Variants in LAMC3 observed in about 807,000 individuals in gnomAD.
LAMC3 encodes laminin subunit gamma-3.
LAMC3 carries 128 observed loss-of-function variants against 173.8 expected under a neutral mutation model. The ratio of observed to expected loss-of-function variants is 0.74; its 90% CI spans 0.64 to 0.85. The LOEUF is 0.85. Ranked by LOEUF, LAMC3 falls within the 40% of genes least tolerant of loss-of-function variation. LAMC3 has a pLI of 0.00. For missense variants in LAMC3, 2,022 were observed against 2,156.0 expected (o/e 0.94, Z 1.23); for synonymous variants, 897 against 909.1 (o/e 0.99, Z 0.24).
rs538901673 is a variant in LAMC3, at chr9:131,074,741, A to G, written c.3495-1090A>G. Reference sequence around the variant, plus strand: ...AGACGCAGCTTAAGATCCTAAAAACACAGGATCTGTGACAATTTTCTCCTT... The same window carrying G: ...AGACGCAGCTTAAGATCCTAAAAACGCAGGATCTGTGACAATTTTCTCCTT... On this transcript the variant is annotated intron_variant, in intron 20 of 27. Coordinates refer to ENST00000361069, the MANE Select transcript of LAMC3 (RefSeq NM_006059.4). Among the ~76,000 whole-genome samples the G allele has an allele frequency of 6.4e-4, 97 of 151,906 alleles. 2 individuals are homozygous for G. In the Middle Eastern group the frequency reaches 0.017, roughly 27 times the overall value.
At chr9:131,046,178 TCC>T (rs1834152295) in intron 8 of LAMC3, among the ~76,000 whole-genome samples, 1 of 130,216 alleles carries the variant, frequency 7.7e-6, no homozygotes, top group African/African-American at 2.9e-5. Flanking sequence ...TGAGTTTTGC[TCC>T]TTTTTTTTTT....
At chr9:131,056,651 T>A (rs972021748) in intron 11 of LAMC3, among the ~76,000 whole-genome samples, 14 of 152,084 alleles carry the variant, frequency 9.2e-5, no homozygotes, top group African/African-American at 3.4e-4. Flanking sequence ...AAAAATTAGC[T>A]GGGCTTGGTG....
rs912424940 is a variant in LAMC3, at chr9:131,036,244, C to T, written c.888C>T (p.Thr296=). ...TGGCCTGCCGGTGCCAGCACAACAC[C>T]ACCGGCACAGACTGTGAGCGCTGCC... is the stretch of plus-strand genomic sequence containing the variant. The part of the protein sequence containing the change: ...GQLACRCQHN[T]TGTDCERCLP... Residue 296 remains threonine (T), a synonymous_variant, in exon 4 of 28, where the codon ACC becomes ACT. Coordinates refer to ENST00000361069, the MANE Select transcript of LAMC3 (RefSeq NM_006059.4). The T allele has an allele frequency of 1.9e-6, 3 of 1,613,218 alleles. No homozygotes were observed. Among genetic ancestry groups the T allele is most frequent in the Non-Finnish European group, 2.5e-6 (3 of 1,179,884 alleles).
intron 8 of LAMC3, among the ~76,000 whole-genome samples, chr9:131,046,124 C>T (rs944925577): frequency 6.6e-6 from 1 of 151,120 alleles, no homozygotes; most frequent in Non-Finnish European, 1.5e-5. Flanking sequence ...AGGCCACTTG[C>T]CTGAGGCCAC....
rs577211477 is a variant in LAMC3, at chr9:131,045,677, G to A, written c.1519+17G>A. On this transcript the variant is annotated intron_variant, in intron 8 of 27. Transcript: ENST00000361069. ...TCCACCAGGGTAAGAGATGCTCCCT[G>A]CAAACGCCTCCCAAGGGTCTGCTCC... 1.2e-5 allele frequency: 19 copies of A among 1,613,820 alleles called. No homozygotes were observed. The East Asian group carries it at 4.2e-4, about 36-fold the overall frequency.
chr9:131,046,822 G>T (rs888974630), intron 8 of LAMC3, among the ~76,000 whole-genome samples: 1 of 152,122 alleles, frequency 6.6e-6, no homozygotes, highest in African/African-American at 2.4e-5. Context: ...CCTTCCGCCT[G>T]TCCCCAGGAA....
intron 2 of LAMC3, among the ~76,000 whole-genome samples, chr9:131,030,728 G>A (rs543473980): frequency 5.3e-5 from 8 of 152,230 alleles, no homozygotes; most frequent in Non-Finnish European, 1.2e-4. Flanking sequence ...GAGTTCTCCA[G>A]GTGGCACTTT....
At chr9:131,020,721 C>G (rs1475343752) in intron 1 of LAMC3, among the ~76,000 whole-genome samples, 1 of 152,130 alleles carries the variant, frequency 6.6e-6, no homozygotes, top group East Asian at 1.9e-4. Flanking sequence ...ACAAGGAATT[C>G]CAGAGAATGA....
At chr9:131,059,008 G>T (rs1254387832) in intron 12 of LAMC3, among the ~76,000 whole-genome samples, 1 of 151,144 alleles carries the variant, frequency 6.6e-6, no homozygotes, top group Non-Finnish European at 1.5e-5. Context: ...GACCAGCGTG[G>T]CCAACATGGT....
chr9:131,038,831 G>A (rs778000750), intron 4 of LAMC3, 33 bp from the exon 5 acceptor site: 20 of 1,607,130 alleles, frequency 1.2e-5, no homozygotes, highest in Non-Finnish European at 1.7e-5. Context: ...CATCACAGGG[G>A]ACTCACACAC....
Position 131,036,217 on chromosome 9 carries a change from G to T in LAMC3, c.861G>T (p.Gln287His). Residue 287 changes from glutamine (Q) to histidine (H), a missense_variant, in exon 4 of 28, where the codon CAG (glutamine) becomes CAT (histidine). Transcript: ENST00000361069. ...ASECGPDVAG[Q>H]LACRCQHNTT... ...AGTGCGGCCCCGACGTGGCAGGCCA[G>T]TTGGCCTGCCGGTGCCAGCACAACA... 6.2e-7 allele frequency: 1 copy of T among 1,612,698 alleles called. No individual in the cohort carries two copies. Among genetic ancestry groups the T allele is most frequent in the South Asian group, 1.1e-5 (1 of 91,036 alleles).
In LAMC3 at chr9:131,009,599, C is replaced by T; in HGVS notation, c.373+12C>T. ...CACCCTCCGCCTAGGTAAGCGCGGGCTGGGGGCACCGCCACCGCACCCCGT... is the reference window on the plus strand; with the variant it reads ...CACCCTCCGCCTAGGTAAGCGCGGGTTGGGGGCACCGCCACCGCACCCCGT... On this transcript the variant is annotated intron_variant, in intron 1 of 27. Coordinates refer to ENST00000361069, the MANE Select transcript of LAMC3 (RefSeq NM_006059.4). The surrounding 1 kb of genome is among the most constrained non-coding windows in gnomAD (Gnocchi z 4.3). 1 of 1,563,732 alleles carries T rather than the reference C, an allele frequency of 6.4e-7. No homozygotes were observed. Among genetic ancestry groups the T allele is most frequent in the Non-Finnish European group, 8.7e-7 (1 of 1,155,956 alleles).
Position 131,073,451 on chromosome 9 carries a change from G to C in LAMC3, c.3494+130G>C. 3 of 741,802 alleles carry C rather than the reference G, an allele frequency of 4.0e-6. No homozygotes were observed. The Admixed American group carries it at 6.0e-5, about 15-fold the overall frequency. The allele number at this position is 741,802 out of a possible 1,614,324, so 46.0% of individuals were successfully genotyped here. On this transcript the variant is annotated intron_variant, in intron 20 of 27. Transcript: ENST00000361069. ...TTACAAGAGCTGTCTGATGGAGGCA[G>C]TGTCACCAGCATGGGGAGGGGCAGG...
chr9:131,033,833 G>A lies in LAMC3; in HGVS notation c.809+1658G>A, dbSNP rs115390578. ...GGAGTGGGGAGCGGGGATGACACTG[G>A]ACTCTGGGCCTCCACAGTTCAGAGG... is the stretch of plus-strand genomic sequence containing the variant. On this transcript the variant is annotated intron_variant, in intron 3 of 27. Coordinates refer to ENST00000361069, the MANE Select transcript of LAMC3 (RefSeq NM_006059.4). Among the ~76,000 whole-genome samples, 444 of 152,224 alleles carry A rather than the reference G, an allele frequency of 2.9e-3. 3 individuals are homozygous for A. The highest frequency in any genetic ancestry group is 9.9e-3 in the African/African-American group (411 of 41,550).
At position 131,091,840 on chromosome 9, in the gene LAMC3, A is replaced by G. The variant is rs757455346; in HGVS notation, c.*53A>G. Reference sequence around the variant, plus strand: ...CCCCCACCTGCTGTTTACATGACCCAGGGGGTGCACACTACCCCACAGGTG... The same window carrying G: ...CCCCCACCTGCTGTTTACATGACCCGGGGGGTGCACACTACCCCACAGGTG... On this transcript the variant is annotated 3_prime_UTR_variant, in exon 28 of 28. Transcript: ENST00000361069. 1 of 1,601,982 alleles carries G rather than the reference A, an allele frequency of 6.2e-7. No individual in the cohort carries two copies. Among genetic ancestry groups the G allele is most frequent in the Admixed American group, 1.7e-5 (1 of 59,826 alleles).
rs1833506881 is a variant in LAMC3, at chr9:131,015,593, CATGCAAGGGCCCCCGTGTGCAAAGGCT to C, written c.373+6020_373+6046del. ...CCTTGACACCAACCACTCTGAATGT[CATGCAAGGGCCCCCGTGTGCAAAGGCT>C]ATGCAAGGGCCCCTGTGTGCATAGC... On this transcript the variant is annotated intron_variant, in intron 1 of 27. Coordinates refer to ENST00000361069, the MANE Select transcript of LAMC3 (RefSeq NM_006059.4). 3.3e-5 allele frequency among the ~76,000 whole-genome samples: 5 copies of C among 152,304 alleles called. No homozygotes were observed. The South Asian group carries it at 1.0e-3, about 32-fold the overall frequency.
chr9:131,061,073 T>C lies in LAMC3; in HGVS notation c.2197T>C (p.Cys733Arg), dbSNP rs1434946890. ...VCSHHTEGPS[C>R]ERCLPGFYGN... ...CAGCCACCATACCGAGGGCCCATCCTGTGAACGCTGTTTGCCAGGTTTCTA... is the reference window on the plus strand; with the variant it reads ...CAGCCACCATACCGAGGGCCCATCCCGTGAACGCTGTTTGCCAGGTTTCTA... Residue 733 changes from cysteine (C) to arginine (R), a missense_variant, in exon 13 of 28, where the codon TGT becomes CGT. Cys to Arg is a radical substitution (Grantham distance 180, BLOSUM62 -3). Transcript: ENST00000361069. 1.9e-6 allele frequency: 3 copies of C among 1,614,046 alleles called. No homozygotes were observed. The highest frequency in any genetic ancestry group is 2.2e-5 in the South Asian group (2 of 91,084).
chr9:131,073,399 C>A, intron 20 of LAMC3, 78 bp downstream of exon 20: 2 of 1,077,856 alleles, frequency 1.9e-6, no homozygotes, highest in Non-Finnish European at 1.4e-6. Flanking sequence ...CCCACAGGTG[C>A]CCCCACCCAG....
intron 1 of LAMC3, among the ~76,000 whole-genome samples, chr9:131,019,107 C>A (rs1185837322): frequency 6.6e-6 from 1 of 152,132 alleles, no homozygotes; most frequent in Non-Finnish European, 1.5e-5. Flanking sequence ...TACAGAAATA[C>A]AAAAATTAGC....
Sources: gnomAD v4.1 joint callset for allele counts (sites outside exome capture counted in the v4.1 genomes callset) on GRCh38, gnomAD v4.1.1 for gene constraint, Gnocchi (gnomAD v3.1) non-coding constraint, MANE v1.5 for transcripts, NCBI Gene and HGNC (gene_info 2026-07-23, HGNC 2026-07-21) for gene names.